The following KNL1 variants were observed in gnomAD, a reference collection of about 807,000 sequenced individuals.
KNL1 encodes outer kinetochore KNL1 complex subunit KNL1.
KNL1 carries 66 observed loss-of-function variants against 201.3 expected under a neutral mutation model. That is an observed-to-expected ratio of 0.33 (90% CI 0.27 to 0.40). KNL1 has a LOEUF of 0.40. KNL1 is among the 10% of genes least tolerant of loss of function. KNL1 has a pLI of 1.00. For synonymous variants in KNL1, 895 were observed against 899.2 expected (o/e 1.00, Z 0.08); for missense variants, 2,815 against 2,690.5 (o/e 1.05, Z -1.02).
chr15:40,624,768 G>A lies in KNL1; in HGVS notation c.4504G>A (p.Ala1502Thr), dbSNP rs1310516752. 2.5e-6 allele frequency: 4 copies of A among 1,613,688 alleles called. No individual in the cohort carries two copies. The highest frequency in any genetic ancestry group is 2.2e-5 in the East Asian group (1 of 44,866). Reference protein sequence around the residue: ...ILNSEEWFAAACKKELKENIQ... With the variant: ...ILNSEEWFAATCKKELKENIQ... The stretch of plus-strand genomic sequence containing the variant: ...CAATAGTGAGGAATGGTTTGCTGCA[G>A]CCTGTAAAAAAGAACTGAAGGAAAA... The change falls in exon 10 of 26, where the codon GCC becomes ACC. Residue 1502 changes from alanine to threonine, a missense_variant. By Grantham distance (58) the Ala-to-Thr change is moderately conservative (BLOSUM62 0). Coordinates refer to ENST00000399668, the MANE Select transcript of KNL1 (RefSeq NM_144508.5).
intron 5 of KNL1, among the ~76,000 whole-genome samples, chr15:40,609,334 C>T (rs904630194): frequency 1.3e-5 from 2 of 151,808 alleles, no homozygotes; most frequent in East Asian, 1.9e-4. Context: ...AGGATTGCTT[C>T]AGTTCAGGAG....
At position 40,623,089 on chromosome 15, in the gene KNL1, CTGTAGTGTT is replaced by C. The variant is rs773338205; in HGVS notation, c.2831_2839del (p.Val944_Val946del). 15 of 1,613,664 alleles carry C rather than the reference CTGTAGTGTT, an allele frequency of 9.3e-6. No homozygotes were observed. The highest frequency in any genetic ancestry group is 1.2e-5 in the Non-Finnish European group (14 of 1,179,842). Reference sequence around the variant, plus strand: ...ATAACTACTAGGCCTATGGACAAAACTGTAGTGTTTGTAGATAATCATGTTGAACTAGAA... The same window carrying C: ...ATAACTACTAGGCCTATGGACAAAACTGTAGATAATCATGTTGAACTAGAA... On this transcript the variant is annotated inframe_deletion, in exon 10 of 26. Transcript: ENST00000399668.
At chr15:40,636,973 C>T (rs779524433) in intron 13 of KNL1, among the ~76,000 whole-genome samples, 2 of 152,002 alleles carry the variant, frequency 1.3e-5, no homozygotes, top group Non-Finnish European at 2.9e-5. Context: ...ATTTTAAAAA[C>T]ATATCCAATA....
Position 40,650,551 on chromosome 15 carries a change from A to G in KNL1, c.6180A>G (p.Glu2060=). 6.4e-7 allele frequency: 1 copy of G among 1,559,982 alleles called. No individual in the cohort carries two copies. Among genetic ancestry groups the G allele is most frequent in the Non-Finnish European group, 8.6e-7 (1 of 1,159,320 alleles). ...SEMRAAEKEL[E]QLKTEEEELQ... Reference sequence around the variant, plus strand: ...TTTTTTCTGTTTCCAAAGAATTGGAACAGCTGAAAACTGAAGAAGAGGAGC... The same window carrying G: ...TTTTTTCTGTTTCCAAAGAATTGGAGCAGCTGAAAACTGAAGAAGAGGAGC... Residue 2060 remains glutamate, a synonymous_variant, in exon 19 of 26, where the codon GAA becomes GAG. Coordinates refer to ENST00000399668, the MANE Select transcript of KNL1 (RefSeq NM_144508.5).
Position 40,624,327 on chromosome 15 carries a change from G to A in KNL1, c.4063G>A (p.Gly1355Arg). ...CAGTGAATATTACTTGGAATCTGAGGGACAGCCTCTCTCTGCTCCTTGTCC... is the reference window on the plus strand; with the variant it reads ...CAGTGAATATTACTTGGAATCTGAGAGACAGCCTCTCTCTGCTCCTTGTCC... ...FASEYYLESE[G>R]QPLSAPCPLL... Residue 1355 changes from glycine (G) to arginine (R), a missense_variant, in exon 10 of 26, where the codon GGA (glycine) becomes AGA (arginine). Gly to Arg is a moderately radical substitution (Grantham distance 125). Coordinates refer to ENST00000399668, the MANE Select transcript of KNL1 (RefSeq NM_144508.5). The A allele has an allele frequency of 6.2e-7, 1 of 1,613,912 alleles. No homozygotes were observed. The highest frequency in any genetic ancestry group is 1.1e-5 in the South Asian group (1 of 91,074).
intron 4 of KNL1, among the ~76,000 whole-genome samples, chr15:40,607,148 C>T (rs1314001819): frequency 6.6e-6 from 1 of 152,194 alleles, no homozygotes; most frequent in Non-Finnish European, 1.5e-5. Context: ...GATCCTCTTG[C>T]CTGGGCCTCC....
In KNL1 at chr15:40,654,920, T is replaced by C; in HGVS notation, c.6427T>C (p.Phe2143Leu). The change falls in exon 22 of 26, where the codon TTC becomes CTC. Residue 2143 changes from phenylalanine (F) to leucine (L), a missense_variant. Around this residue, in one of 3 missense-constraint regions of KNL1, gnomAD observed 334 missense variants for 362.6 expected, o/e 0.92. Transcript: ENST00000399668. ...TFEESVVGFP[F>L]LDKRYRKIVD... ...CTGGTTCTTTCTAGTTGGTTTCCCT[T>C]TCCTGGACAAGCGTTATAGGAAGAT... The C allele has an allele frequency of 6.2e-7, 1 of 1,612,334 alleles. No homozygotes were observed. Among genetic ancestry groups the C allele is most frequent in the South Asian group, 1.1e-5 (1 of 91,060 alleles).
At chr15:40,600,068 G>A (rs565044152) in intron 1 of KNL1, among the ~76,000 whole-genome samples, 3 of 134,332 alleles carry the variant, frequency 2.2e-5, no homozygotes, top group African/African-American at 8.3e-5. Flanking sequence ...ATATTTATTT[G>A]GGATTCCTTT....
At chr15:40,602,594 C>T (rs1031177420) in intron 1 of KNL1, among the ~76,000 whole-genome samples, 1 of 144,448 alleles carries the variant, frequency 6.9e-6, no homozygotes, top group Non-Finnish European at 1.5e-5. Flanking sequence ...TCAAGCGAGT[C>T]TCCTACCTCA....
chr15:40,647,242 A>G (rs1893417471), intron 17 of KNL1, among the ~76,000 whole-genome samples, 168 bp downstream of exon 17: 1 of 152,156 alleles, frequency 6.6e-6, no homozygotes, highest in South Asian at 2.1e-4. Flanking sequence ...TGGGAGGCCA[A>G]GCCGGGCGGA....
intron 10 of KNL1, among the ~76,000 whole-genome samples, chr15:40,627,095 A>G (rs557107146): frequency 5.3e-5 from 8 of 152,192 alleles, no homozygotes; most frequent in South Asian, 4.1e-4. Flanking sequence ...GGGTTTCACA[A>G]TGTTGGCCAG....
intron 13 of KNL1, among the ~76,000 whole-genome samples, chr15:40,634,221 C>A (rs891399110): frequency 6.6e-6 from 1 of 152,190 alleles, no homozygotes; most frequent in Non-Finnish European, 1.5e-5. Flanking sequence ...ATTCTTCTGC[C>A]TCAGCCTCCC....
At position 40,620,681 on chromosome 15, in the gene KNL1, T is replaced by A. The variant is rs1330898123; in HGVS notation, c.417T>A (p.Asn139Lys). 6.2e-7 allele frequency: 1 copy of A among 1,600,092 alleles called. No homozygotes were observed. The highest frequency in any genetic ancestry group is 1.1e-5 in the South Asian group (1 of 89,122). Residue 139 changes from asparagine (N) to lysine (K), a missense_variant, in exon 10 of 26, where the codon AAT (asparagine) becomes AAA (lysine). Physicochemically the swap from Asn to Lys is moderately conservative, Grantham distance 94. This residue lies in a region of KNL1 where 2,464 missense variants were observed against 2,291.7 expected (regional missense o/e 1.08). Transcript: ENST00000399668. ...IEHTRERKHA[N>K]DQTVIFSDEN... ...ATACCCGTGAAAGGAAACATGCAAA[T>A]GACCAGACAGTCATTTTTTCAGATG...
chr15:40,645,650 T>A lies in KNL1; in HGVS notation c.5890-6T>A. The A allele has an allele frequency of 6.5e-7, 1 of 1,536,296 alleles. No individual in the cohort carries two copies. Reference sequence around the variant, plus strand: ...GTACAGTGTTCTCTATAACTTTCCCTTCCAGCTGAAGGCCTTTGGAATTTA... The same window carrying A: ...GTACAGTGTTCTCTATAACTTTCCCATCCAGCTGAAGGCCTTTGGAATTTA... On this transcript the variant is annotated splice_polypyrimidine_tract_variant and splice_region_variant and intron_variant, in intron 15 of 25. Transcript: ENST00000399668.
Position 40,621,371 on chromosome 15 carries a change from T to C in KNL1, c.1107T>C (p.Asn369=), listed in dbSNP as rs767865106. 1 of 1,611,318 alleles carries C rather than the reference T, an allele frequency of 6.2e-7. No homozygotes were observed. The highest frequency in any genetic ancestry group is 2.2e-5 in the East Asian group (1 of 44,826). ...GNKTVFKSKQ[N]TAFQDLSINS... is the part of the protein sequence containing the mutation. ...AAACAGTTTTTAAGAGTAAACAAAATACTGCTTTTCAAGACCTTTCCATAA... is the reference window on the plus strand; with the variant it reads ...AAACAGTTTTTAAGAGTAAACAAAACACTGCTTTTCAAGACCTTTCCATAA... Residue 369 remains asparagine, a synonymous_variant, in exon 10 of 26, where the codon AAT becomes AAC. Transcript: ENST00000399668.
chr15:40,616,646 GTTA>G (rs1892353961), intron 8 of KNL1, among the ~76,000 whole-genome samples: 1 of 152,086 alleles, frequency 6.6e-6, no homozygotes, highest in African/African-American at 2.4e-5. Flanking sequence ...AATTCAAGTT[GTTA>G]TTATTTTTTC....
Position 40,622,294 on chromosome 15 carries a change from G to A in KNL1, c.2030G>A (p.Gly677Glu). The part of the protein sequence containing the change: ...ATSHNIVYCG[G>E]VLDKQITNRN... ...AGCCATAATATAGTCTACTGTGGTG[G>A]AGTTCTTGATAAACAAATAACTAAT... Residue 677 changes from glycine (G) to glutamate (E), a missense_variant, in exon 10 of 26, where the codon GGA becomes GAA. Gly to Glu is a moderately conservative substitution (Grantham distance 98). Coordinates refer to ENST00000399668, the MANE Select transcript of KNL1 (RefSeq NM_144508.5). The A allele has an allele frequency of 1.9e-6, 3 of 1,613,772 alleles. No homozygotes were observed. Among genetic ancestry groups the A allele is most frequent in the Non-Finnish European group, 2.5e-6 (3 of 1,179,730 alleles).
chr15:40,663,211 C>G lies in KNL1; in HGVS notation c.*1023C>G, dbSNP rs1893961067. ...AGTAGCTGGGACTACAGGTGCCCAC[C>G]ACCATGCCGGGCTAATTTTTTGTCT... On this transcript the variant is annotated 3_prime_UTR_variant, in exon 26 of 26. Transcript: ENST00000399668. 1 of 159,866 alleles carries G rather than the reference C, an allele frequency of 6.3e-6. No homozygotes were observed. The highest frequency in any genetic ancestry group is 1.4e-5 in the Non-Finnish European group (1 of 72,548). 9.9% of individuals were successfully genotyped at this position (159,866 alleles called of 1,614,324 possible). A position where few individuals can be genotyped will look rare whatever the true frequency, so the allele number is the denominator to read the frequency against.
At chr15:40,616,677 AT>A (rs1892354440) in intron 8 of KNL1, among the ~76,000 whole-genome samples, 1 of 152,052 alleles carries the variant, frequency 6.6e-6, no homozygotes, top group East Asian at 1.9e-4. Context: ...ACTGTATTTC[AT>A]TTCTTATCCT....
Sources: allele counts gnomAD v4.1 joint callset (sites outside exome capture counted in the v4.1 genomes callset), GRCh38; gene constraint gnomAD v4.1.1; regional missense constraint gnomAD v4.1.1; transcripts MANE v1.5; gene names NCBI Gene and HGNC (gene_info 2026-07-23, HGNC 2026-07-21).